Variants in ERBB4 observed in about 807,000 individuals in gnomAD.
ERBB4 encodes the protein erb-b2 receptor tyrosine kinase 4.
Under a neutral mutation model 158.0 loss-of-function variants are expected in ERBB4, and 42 were observed. The observed-to-expected ratio is 0.27, with a 90% CI of 0.21 to 0.34. The LOEUF (loss-of-function observed/expected upper bound fraction) is 0.34, where lower values mean the gene tolerates loss of function less well. Ranked by LOEUF, ERBB4 falls within the 10% of genes least tolerant of loss-of-function variation. ERBB4 has a pLI of 1.00. For synonymous variants in ERBB4, 583 were observed against 558.7 expected (o/e 1.04, Z -0.61); for missense variants, 1,333 against 1,624.1 (o/e 0.82, Z 3.08).
rs1262260092 is a variant in ERBB4, at chr2:212,231,780, T to G, written c.83-106877A>C. Among the ~76,000 whole-genome samples the G allele has an allele frequency of 2.0e-5, 3 of 152,244 alleles. No individual in the cohort carries two copies. The East Asian group carries it at 5.8e-4, about 29-fold the overall frequency. ...CTAATACCAATATGCATGTATTTAT[T>G]TTGACAAAGTCTTGCAATCAACTAG... On this transcript the variant is annotated intron_variant, in intron 1 of 27. Transcript: ENST00000342788.
At chr2:212,482,926 G>A (rs1689779324) in intron 1 of ERBB4, among the ~76,000 whole-genome samples, 1 of 152,128 alleles carries the variant, frequency 6.6e-6, no homozygotes, top group Non-Finnish European at 1.5e-5. Flanking sequence ...CCACTCCCTT[G>A]TTATTTTTTG....
At chr2:211,505,870 G>A (rs2065734036) in intron 20 of ERBB4, among the ~76,000 whole-genome samples, 1 of 150,578 alleles carries the variant, frequency 6.6e-6, no homozygotes, top group Non-Finnish European at 1.5e-5. Context: ...TGAGGCAGGA[G>A]AATGGCATGA....
intron 20 of ERBB4, among the ~76,000 whole-genome samples, chr2:211,461,313 AATGAG>A (rs1184776587): frequency 6.6e-6 from 1 of 152,218 alleles, no homozygotes; most frequent in East Asian, 1.9e-4. Context: ...TATCAATACT[AATGAG>A]ATGAAAGAAA....
At chr2:212,084,380 C>T (rs542418366) in intron 2 of ERBB4, among the ~76,000 whole-genome samples, 28 of 151,998 alleles carry the variant, frequency 1.8e-4, no homozygotes, top group African/African-American at 5.5e-4. Context: ...CCTAGTTATA[C>T]GCTGAAAATT....
At chr2:211,579,026 A>T (rs1440770769) in intron 19 of ERBB4, among the ~76,000 whole-genome samples, 1 of 152,114 alleles carries the variant, frequency 6.6e-6, no homozygotes, top group Admixed American at 6.5e-5. Flanking sequence ...CCTAGAGAGT[A>T]GGAGAAAATT....
At chr2:211,666,565 G>C (rs998023415) in intron 14 of ERBB4, among the ~76,000 whole-genome samples, 3 of 152,250 alleles carry the variant, frequency 2.0e-5, no homozygotes, top group Admixed American at 6.5e-5. Context: ...CTAGAAATGG[G>C]TATATCGTCA....
intron 1 of ERBB4, among the ~76,000 whole-genome samples, chr2:212,513,907 G>A (rs1371043912): frequency 1.3e-5 from 2 of 152,214 alleles, no homozygotes; most frequent in Non-Finnish European, 1.5e-5. Context: ...ACTCAGGTTT[G>A]TCGACTCTAA....
At chr2:211,923,959 T>A (rs1003987796) in intron 3 of ERBB4, among the ~76,000 whole-genome samples, 3 of 152,154 alleles carry the variant, frequency 2.0e-5, no homozygotes, top group Non-Finnish European at 4.4e-5. Context: ...TGGCCTCACT[T>A]GATCGACTCA....
At chr2:211,387,517 AAGAAT>A (rs2062711254) in intron 26 of ERBB4, among the ~76,000 whole-genome samples, 2 of 152,224 alleles carry the variant, frequency 1.3e-5, no homozygotes, top group South Asian at 2.1e-4. Flanking sequence ...AGTTGTCATT[AAGAAT>A]AGAAGTACAT....
At chr2:212,304,037 A>G (rs530249102) in intron 1 of ERBB4, among the ~76,000 whole-genome samples, 17 of 151,576 alleles carry the variant, frequency 1.1e-4, no homozygotes, top group Non-Finnish European at 1.9e-4. Context: ...TGATTTCTAC[A>G]GAGACGTGAT....
intron 1 of ERBB4, among the ~76,000 whole-genome samples, chr2:212,331,414 G>A (rs1648404251): frequency 6.6e-6 from 1 of 151,450 alleles, no homozygotes; most frequent in South Asian, 2.1e-4. Flanking sequence ...AACCAAAACT[G>A]TACACACTCA....
chr2:211,919,276 T>C (rs1029825115), intron 3 of ERBB4, among the ~76,000 whole-genome samples: 2 of 152,032 alleles, frequency 1.3e-5, no homozygotes, highest in Non-Finnish European at 2.9e-5. Flanking sequence ...GGGAAAAAGG[T>C]TAAATTTGGG....
chr2:211,384,473 C>G lies in ERBB4; in HGVS notation c.3482-413G>C, dbSNP rs369566615. Among the ~76,000 whole-genome samples the G allele has an allele frequency of 4.2e-4, 64 of 152,102 alleles. 1 individual carries two copies. The South Asian group carries it at 0.013, about 31-fold the overall frequency. On this transcript the variant is annotated intron_variant, in intron 27 of 27. Coordinates refer to ENST00000342788, the MANE Select transcript of ERBB4 (RefSeq NM_005235.3). Reference sequence around the variant, plus strand: ...ACTTCTATAAAGGATATTGAAAAAACAAGAATCTATAGCTGAGTTCCATGC... The same window carrying G: ...ACTTCTATAAAGGATATTGAAAAAAGAAGAATCTATAGCTGAGTTCCATGC...
intron 20 of ERBB4, among the ~76,000 whole-genome samples, chr2:211,441,897 G>A (rs1305963041): frequency 6.6e-6 from 1 of 152,090 alleles, no homozygotes; most frequent in Admixed American, 6.5e-5. Flanking sequence ...ATTCCATAAA[G>A]GCTCAGATCT....
chr2:211,557,234 G>C (rs1290792107), intron 20 of ERBB4, among the ~76,000 whole-genome samples: 1 of 152,042 alleles, frequency 6.6e-6, no homozygotes, highest in East Asian at 1.9e-4. Context: ...GATACCAAAA[G>C]GAATTGCAAG....
intron 2 of ERBB4, among the ~76,000 whole-genome samples, chr2:212,050,125 A>T (rs1333477981): frequency 6.6e-6 from 1 of 152,154 alleles, no homozygotes; most frequent in Non-Finnish European, 1.5e-5. Flanking sequence ...TAAATCTTTA[A>T]AATGCATCCT....
chr2:211,645,391 T>A (rs1173068689), intron 16 of ERBB4, among the ~76,000 whole-genome samples: 1 of 151,734 alleles, frequency 6.6e-6, no homozygotes, highest in Non-Finnish European at 1.5e-5. Context: ...TTCAAAACTA[T>A]ATAGGATCAA....
At chr2:212,392,861 T>C (rs1016553815) in intron 1 of ERBB4, among the ~76,000 whole-genome samples, 3 of 152,062 alleles carry the variant, frequency 2.0e-5, no homozygotes, top group African/African-American at 4.8e-5. Flanking sequence ...CTAAGACAGA[T>C]TGATTTAGGA....
intron 15 of ERBB4, among the ~76,000 whole-genome samples, chr2:211,662,020 C>CA (rs2071441477): frequency 9.3e-6 from 1 of 107,932 alleles, no homozygotes; most frequent in South Asian, 3.1e-4. Flanking sequence ...GCCTGGGCGA[C>CA]AGAGCGGGAC....
Sources: gnomAD v4.1 joint callset for allele counts (sites outside exome capture counted in the v4.1 genomes callset) on GRCh38, gnomAD v4.1.1 for gene constraint, MANE v1.5 for transcripts, NCBI Gene and HGNC (gene_info 2026-07-23, HGNC 2026-07-21) for gene names.